KCNIP4: variants seen among roughly 807,000 people sequenced by gnomAD.
KCNIP4 encodes Kv channel-interacting protein 4.
In KCNIP4, 12 loss-of-function variants were observed where a neutral mutation model predicts 34.0. The ratio of observed to expected loss-of-function variants is 0.35; its 90% CI spans 0.23 to 0.57. The LOEUF is 0.57. Ranked by LOEUF, KCNIP4 falls within the 20% of genes least tolerant of loss-of-function variation. KCNIP4 has a pLI of 0.83. For synonymous variants in KCNIP4, 124 were observed against 102.2 expected, an observed-to-expected ratio of 1.21 and a Z score of -1.29; for missense variants, 238 against 311.7, an observed-to-expected ratio of 0.76 and a Z score of 1.78.
intron 1 of KCNIP4, among the ~76,000 whole-genome samples, chr4:20,928,001 A>C (rs897957071): frequency 4.6e-5 from 7 of 151,662 alleles, no homozygotes; most frequent in Non-Finnish European, 1.0e-4. Context: ...AGCAGGGATG[A>C]TAGAAAATAC....
intron 1 of KCNIP4, among the ~76,000 whole-genome samples, chr4:21,370,174 G>A (rs774418265): frequency 1.2e-4 from 17 of 147,394 alleles, no homozygotes; most frequent in Non-Finnish European, 1.6e-4. Flanking sequence ...CTGCCTCTAA[G>A]CTACATTTTA....
rs936889611 is a variant in KCNIP4 at position 20,947,800 on chromosome 4, C to T, written c.62-65091G>A. 4.6e-5 allele frequency among the ~76,000 whole-genome samples: 7 copies of T among 152,302 alleles called. No individual in the cohort carries two copies. In the East Asian group the frequency reaches 9.7e-4, roughly 21 times the overall value. On this transcript the variant is annotated intron_variant, in intron 1 of 8. Coordinates refer to ENST00000382152, the MANE Select transcript of KCNIP4 (RefSeq NM_025221.6). ...ATGCACATACTGGGCTAACTACACA[C>T]GGCAGCTCCTAATCTGTTATTCCTC...
At chr4:21,012,350 A>C (rs191713976) in intron 1 of KCNIP4, among the ~76,000 whole-genome samples, 2 of 152,310 alleles carry the variant, frequency 1.3e-5, no homozygotes, top group African/African-American at 4.8e-5. Flanking sequence ...AGGCCAAAGC[A>C]AGAGGATCGC....
At chr4:21,185,605 A>G (rs1205236622) in intron 1 of KCNIP4, among the ~76,000 whole-genome samples, 7 of 152,148 alleles carry the variant, frequency 4.6e-5, no homozygotes, top group Non-Finnish European at 8.8e-5. Context: ...TGGGGCTAGA[A>G]ATACATGCCT....
chr4:21,337,488 C>T (rs1311202141), intron 1 of KCNIP4, among the ~76,000 whole-genome samples: 1 of 152,132 alleles, frequency 6.6e-6, no homozygotes, highest in Non-Finnish European at 1.5e-5. Context: ...TTTGAACAGA[C>T]ATGCTCCTTT....
chr4:21,351,792 G>A (rs73102139), intron 1 of KCNIP4, among the ~76,000 whole-genome samples: 10,781 of 152,170 alleles, frequency 0.071, 1,146 homozygotes, highest in African/African-American at 0.23. Context: ...CAAGGACAAA[G>A]GTCCCAGAAG....
rs573155257 is a variant in KCNIP4, at chr4:21,100,051, G to A, written c.62-217342C>T. ...TGAGATGGAATCTACCTCTGGTGAA[G>A]ATGCAGCAAACATTGTTGAAGTGAC... is the stretch of plus-strand genomic sequence containing the variant. On this transcript the variant is annotated intron_variant, in intron 1 of 8. Transcript: ENST00000382152. Among the ~76,000 whole-genome samples the A allele has an allele frequency of 2.6e-5, 4 of 152,308 alleles. No individual in the cohort carries two copies. The South Asian group carries it at 8.3e-4, about 32-fold the overall frequency.
intron 1 of KCNIP4, among the ~76,000 whole-genome samples, chr4:21,468,506 A>G (rs1250216449): frequency 6.6e-6 from 1 of 152,188 alleles, no homozygotes; most frequent in African/African-American, 2.4e-5. Context: ...GTTCGCTTGA[A>G]TGGTAAACGA....
chr4:21,007,059 G>A (rs1738630253), intron 1 of KCNIP4, among the ~76,000 whole-genome samples: 1 of 152,162 alleles, frequency 6.6e-6, no homozygotes, highest in African/African-American at 2.4e-5. Flanking sequence ...GTGGTTCTCA[G>A]TAGAATCACC....
rs557219481 is a variant in KCNIP4, at chr4:21,798,404, C to CATACATATATATATATAT, written c.61+150166_61+150167insATATATATATATATGTAT. On this transcript the variant is annotated intron_variant, in intron 1 of 8. Coordinates refer to ENST00000382152, the MANE Select transcript of KCNIP4 (RefSeq NM_025221.6). ...CCGTTTCCACACACACAAAAAAATA[C>CATACATATATATATATAT]ATATATATATATATATATATATTTG... 9.3e-5 allele frequency among the ~76,000 whole-genome samples: 12 copies of CATACATATATATATATAT among 129,672 alleles called. No homozygotes were observed. In the South Asian group the frequency reaches 1.5e-3, roughly 16 times the overall value. The allele number at this position is 129,672 out of a possible 152,430, so 85.1% of individuals were successfully genotyped here.
At chr4:21,777,093 T>C (rs915364050) in intron 1 of KCNIP4, among the ~76,000 whole-genome samples, 1 of 152,172 alleles carries the variant, frequency 6.6e-6, no homozygotes, top group African/African-American at 2.4e-5. Context: ...GGTTTTATAA[T>C]GGGTTCTCCT....
chr4:21,589,274 A>G (rs1407330951), intron 1 of KCNIP4, among the ~76,000 whole-genome samples: 1 of 143,444 alleles, frequency 7.0e-6, no homozygotes, highest in Non-Finnish European at 1.5e-5. Flanking sequence ...AGATACATAT[A>G]TGTATAGATA....
In KCNIP4 at chr4:21,499,625, C is replaced by A. The variant is rs374638135; in HGVS notation, c.61+448946G>T. Among the ~76,000 whole-genome samples, 6 of 152,034 alleles carry A rather than the reference C, an allele frequency of 3.9e-5. No individual in the cohort carries two copies. The South Asian group carries it at 1.2e-3, about 32-fold the overall frequency. On this transcript the variant is annotated intron_variant, in intron 1 of 8. Transcript: ENST00000382152. ...GGAAAATATATGAAACATAAATTTACATGAAGTAGAAAATAATTTGGATGT... is the reference window on the plus strand; with the variant it reads ...GGAAAATATATGAAACATAAATTTAAATGAAGTAGAAAATAATTTGGATGT...
Position 20,781,427 on chromosome 4 carries a change from T to C in KCNIP4, c.289-22537A>G, listed in dbSNP as rs577116872. On this transcript the variant is annotated intron_variant, in intron 3 of 8. Coordinates refer to ENST00000382152, the MANE Select transcript of KCNIP4 (RefSeq NM_025221.6). ...AGCAAATGTTGGTATATCAGTCCAT[T>C]TTCCCGCTGCTGATAAAGACATACC... 2.4e-4 allele frequency among the ~76,000 whole-genome samples: 37 copies of C among 152,286 alleles called. 1 individual carries two copies. Among genetic ancestry groups the C allele is most frequent in the Admixed American group, 2.2e-3 (34 of 15,302 alleles).
chr4:21,365,526 A>AAAT (rs1560332451), intron 1 of KCNIP4, among the ~76,000 whole-genome samples: 40 of 20,294 alleles, frequency 2.0e-3, no homozygotes, highest in Non-Finnish European at 3.3e-3. Flanking sequence ...AATAAATAAA[A>AAAT]AATAAAGAAA....
chr4:21,242,495 G>A (rs1759905588), intron 1 of KCNIP4, among the ~76,000 whole-genome samples: 1 of 152,160 alleles, frequency 6.6e-6, no homozygotes, highest in Admixed American at 6.5e-5. Flanking sequence ...TTCTGGGTAT[G>A]CCTGTGAAGG....
chr4:21,432,758 C>A (rs900512848), intron 1 of KCNIP4, among the ~76,000 whole-genome samples: 2 of 151,998 alleles, frequency 1.3e-5, no homozygotes, highest in Admixed American at 1.3e-4. Context: ...TTGGTAAAAG[C>A]AAACAAATAA....
chr4:21,719,975 A>AG (rs1424676496), intron 1 of KCNIP4, among the ~76,000 whole-genome samples: 49 of 102,296 alleles, frequency 4.8e-4, no homozygotes, highest in African/African-American at 1.9e-3. Flanking sequence ...AAAAAAAAAA[A>AG]AAAAGAAGAA....
At chr4:21,179,663 G>C (rs1754699105) in intron 1 of KCNIP4, among the ~76,000 whole-genome samples, 1 of 152,168 alleles carries the variant, frequency 6.6e-6, no homozygotes, top group Admixed American at 6.6e-5. Context: ...ATTGAAAAAT[G>C]CATACATGCT....
Sources: allele counts gnomAD v4.1 joint callset (sites outside exome capture counted in the v4.1 genomes callset), GRCh38; gene constraint gnomAD v4.1.1; transcripts MANE v1.5; gene names NCBI Gene and HGNC (gene_info 2026-07-23, HGNC 2026-07-21).